COX6B1: variants seen among roughly 807,000 people sequenced by gnomAD.
The protein encoded by COX6B1 is cytochrome c oxidase subunit 6B1.
COX6B1 carries 2 observed loss-of-function variants against 14.0 expected under a neutral mutation model. That is an observed-to-expected ratio of 0.14 (90% CI 0.06 to 0.45). The LOEUF is 0.45. COX6B1 is among the 20% of genes least tolerant of loss of function. The pLI is 0.98. For synonymous variants in COX6B1, 30 were observed against 39.7 expected (o/e 0.76, Z 0.92); for missense variants, 81 against 114.2 (o/e 0.71, Z 1.33).
At chr19:35,657,521 A>G (rs1454576803) in intron 3 of COX6B1, among the ~76,000 whole-genome samples, 1 of 152,044 alleles carries the variant, frequency 6.6e-6, no homozygotes, top group Non-Finnish European at 1.5e-5. Flanking sequence ...CCCCTGCCTT[A>G]TAGCATAAAA....
intron 1 of COX6B1, among the ~76,000 whole-genome samples, chr19:35,650,270 T>C (rs1424669252): frequency 6.6e-6 from 1 of 152,214 alleles, no homozygotes; most frequent in African/African-American, 2.4e-5. Context: ...CCCAAAGTGC[T>C]AGGATTACAG....
At chr19:35,651,877 T>C (rs1189254146) in intron 2 of COX6B1, among the ~76,000 whole-genome samples, 1 of 152,060 alleles carries the variant, frequency 6.6e-6, no homozygotes, top group Admixed American at 6.6e-5. Flanking sequence ...TACAATGATT[T>C]TTTTTTAAGC....
chr19:35,648,648 G>A (rs1356713713), intron 1 of COX6B1: 1 of 355,902 alleles, frequency 2.8e-6, no homozygotes, highest in East Asian at 7.5e-5. Context: ...GATAGGGCCT[G>A]CGATTATCCC....
In COX6B1 at chr19:35,658,715, C is replaced by A; in HGVS notation, c.*68C>A. 1 of 1,347,556 alleles carries A rather than the reference C, an allele frequency of 7.4e-7. No homozygotes were observed. Among genetic ancestry groups the A allele is most frequent in the Non-Finnish European group, 1.1e-6 (1 of 938,074 alleles). 83.5% of individuals were successfully genotyped at this position (1,347,556 alleles called of 1,614,324 possible). ...AGGATGGTGAAGGGGGACCTGGTACCCAGTGATCCCCACCCCAGGATCCTA... is the reference window on the plus strand; with the variant it reads ...AGGATGGTGAAGGGGGACCTGGTACACAGTGATCCCCACCCCAGGATCCTA... On this transcript the variant is annotated 3_prime_UTR_variant, in exon 4 of 4. Transcript: ENST00000649813.
In COX6B1 at chr19:35,658,691, G is replaced by C. The variant is rs1967913891; in HGVS notation, c.*44G>C. 4 of 1,565,926 alleles carry C rather than the reference G, an allele frequency of 2.6e-6. No homozygotes were observed. Among genetic ancestry groups the C allele is most frequent in the Non-Finnish European group, 3.5e-6 (4 of 1,136,340 alleles). ...TCCTCTGTCCTCCATCCTTCTCCCA[G>C]GATGGTGAAGGGGGACCTGGTACCC... On this transcript the variant is annotated 3_prime_UTR_variant, in exon 4 of 4. Coordinates refer to ENST00000649813, the MANE Select transcript of COX6B1 (RefSeq NM_001863.5).
intron 2 of COX6B1, among the ~76,000 whole-genome samples, chr19:35,653,666 C>T (rs188251056): frequency 3.3e-5 from 5 of 151,370 alleles, no homozygotes; most frequent in South Asian, 2.1e-4. Flanking sequence ...CTGCAAGCTC[C>T]GCCTCCTGGG....
intron 1 of COX6B1, chr19:35,648,791 C>T: frequency 1.9e-6 from 1 of 526,860 alleles, no homozygotes; most frequent in South Asian, 1.4e-5. Flanking sequence ...TCGCGGCTTG[C>T]CTGGGCCGCA....
chr19:35,649,420 G>C (rs924290864), intron 1 of COX6B1, among the ~76,000 whole-genome samples: 1 of 151,752 alleles, frequency 6.6e-6, no homozygotes, highest in African/African-American at 2.4e-5. Context: ...CCCTGTGCAA[G>C]CGATCCTGCC....
chr19:35,656,450 CTTATTATGGGCCAGCTA>C (rs1568343714), intron 3 of COX6B1, among the ~76,000 whole-genome samples: 1 of 147,586 alleles, frequency 6.8e-6, no homozygotes, highest in East Asian at 2.0e-4. Flanking sequence ...ACCGCTGGCA[CTTATTATGGGCCAGCTA>C]TGTTGTTAGA....
At chr19:35,656,695 G>A (rs139981822) in intron 3 of COX6B1, among the ~76,000 whole-genome samples, 8 of 152,164 alleles carry the variant, frequency 5.3e-5, no homozygotes, top group African/African-American at 1.7e-4. Context: ...TGGCCAGGCT[G>A]GTCTCAAACT....
chr19:35,658,086 C>G (rs951967037), intron 3 of COX6B1, among the ~76,000 whole-genome samples: 1 of 152,150 alleles, frequency 6.6e-6, no homozygotes, highest in Admixed American at 6.6e-5. Context: ...GTCACCACAC[C>G]CAGCCTCCAT....
intron 2 of COX6B1, among the ~76,000 whole-genome samples, chr19:35,653,024 A>G (rs1305562705): frequency 7.1e-6 from 1 of 141,684 alleles, no homozygotes; most frequent in Non-Finnish European, 1.5e-5. Context: ...GTTGGAGTGC[A>G]GTGGTGCAAT....
chr19:35,658,473 T>G (rs1323725193), intron 3 of COX6B1, 121 bp from the exon 4 acceptor site: 7 of 803,188 alleles, frequency 8.7e-6, no homozygotes, highest in Non-Finnish European at 1.5e-5. Context: ...AGAATAGAGG[T>G]TGGCACACAG....
chr19:35,648,894 G>C (rs760418313), intron 1 of COX6B1: 3 of 533,320 alleles, frequency 5.6e-6, no homozygotes, highest in East Asian at 5.4e-5. Context: ...CAGATACCGG[G>C]TAGAGATCTC....
intron 3 of COX6B1, among the ~76,000 whole-genome samples, chr19:35,656,907 A>C (rs181528097): frequency 3.5e-3 from 526 of 152,248 alleles, no homozygotes; most frequent in African/African-American, 0.012. Context: ...AACTTGCCCA[A>C]AGTCACACAG....
intron 3 of COX6B1, among the ~76,000 whole-genome samples, chr19:35,655,634 A>C (rs1967880004): frequency 6.6e-6 from 1 of 151,430 alleles, no homozygotes; most frequent in African/African-American, 2.4e-5. Context: ...AAAAAAAAAA[A>C]AGTTTTTAAA....
intron 3 of COX6B1, among the ~76,000 whole-genome samples, chr19:35,657,460 C>T (rs1033202161): frequency 6.6e-6 from 1 of 151,964 alleles, no homozygotes; most frequent in Non-Finnish European, 1.5e-5. Context: ...GGGCCCAGTT[C>T]CTAACAGGCC....
intron 2 of COX6B1, among the ~76,000 whole-genome samples, chr19:35,651,749 G>T (rs1284989375): frequency 2.0e-5 from 3 of 151,854 alleles, no homozygotes; most frequent in Non-Finnish European, 1.5e-5. Context: ...TTTTTTTGTA[G>T]AGAAGAGGTC....
At position 35,651,901 on chromosome 19, in the gene COX6B1, G is replaced by A. The variant is rs4805135; in HGVS notation, c.106+552G>A. 7.5e-3 allele frequency among the ~76,000 whole-genome samples: 1,136 copies of A among 151,612 alleles called. 40 individuals carry two copies. Among genetic ancestry groups the A allele is most frequent in the Admixed American group, 0.061 (931 of 15,226 alleles). On this transcript the variant is annotated intron_variant, in intron 2 of 3. Coordinates refer to ENST00000649813, the MANE Select transcript of COX6B1 (RefSeq NM_001863.5). ...TTTTTTTTAAGCTGTATGTGTGTGC[G>A]TACTGTAACATGTACAGAAAGCACA...
Sources: allele counts gnomAD v4.1 joint callset (sites outside exome capture counted in the v4.1 genomes callset), GRCh38; gene constraint gnomAD v4.1.1; transcripts MANE v1.5; gene names NCBI Gene and HGNC (gene_info 2026-07-23, HGNC 2026-07-21).